The following HLA-DMA variants were observed in gnomAD, a reference collection of about 807,000 sequenced individuals.
HLA-DMA encodes major histocompatibility complex, class II, DM alpha.
In HLA-DMA, 20 loss-of-function variants were observed where a neutral mutation model predicts 27.3. That is an observed-to-expected ratio of 0.73 (90% confidence interval 0.52 to 1.07). The LOEUF (loss-of-function observed/expected upper bound fraction) is 1.07, where lower values mean the gene tolerates loss of function less well. Among genes scored for constraint, HLA-DMA ranks in the 50% least tolerant of loss-of-function variants. The probability of loss-of-function intolerance (pLI) is 0.00; values close to 1 mark genes in which losing one functional copy is unlikely to be tolerated. For missense variants in HLA-DMA, 241 were observed against 321.7 expected (o/e 0.75, Z 1.92); for synonymous variants, 111 against 126.8 (o/e 0.88, Z 0.83).
At position 32,949,004 on chromosome 6, in the gene HLA-DMA, C is replaced by T. The variant is rs1776771637; in HGVS notation, c.782-136G>A. ...CTGCAGAAGTTGATCTCTCCTTGTT[C>T]CCAAATCATCTCCAAGCACCCTTCC... On this transcript the variant is annotated intron_variant, in intron 4 of 4. Coordinates refer to ENST00000374843, the MANE Select transcript of HLA-DMA (RefSeq NM_006120.4). The surrounding 1 kb of genome is among the most constrained non-coding windows in gnomAD (Gnocchi z 5.8). The T allele has an allele frequency of 9.4e-7, 1 of 1,059,008 alleles. No individual in the cohort carries two copies. The highest frequency in any genetic ancestry group is 1.4e-6 in the Non-Finnish European group (1 of 731,388). The allele number at this position is 1,059,008 out of a possible 1,614,324, so 65.6% of individuals were successfully genotyped here.
Position 32,953,082 on chromosome 6 carries a change from C to T in HLA-DMA, c.-46G>A. ...GTAGGAGCTACCAACCCAGCCAACC[C>T]AGCTTCCCCAACTCCCTCCCCGAGA... On this transcript the variant is annotated 5_prime_UTR_variant, in exon 1 of 5. Coordinates refer to ENST00000374843, the MANE Select transcript of HLA-DMA (RefSeq NM_006120.4). The T allele has an allele frequency of 6.9e-7, 1 of 1,459,182 alleles. No individual in the cohort carries two copies. The highest frequency in any genetic ancestry group is 1.2e-5 in the South Asian group (1 of 86,930). The allele number at this position is 1,459,182 out of a possible 1,614,324, so 90.4% of individuals were successfully genotyped here. A position where few individuals can be genotyped will look rare whatever the true frequency, so the allele number is the denominator to read the frequency against.
In HLA-DMA at chr6:32,948,795, T is replaced by G; in HGVS notation, c.*69A>C. On this transcript the variant is annotated 3_prime_UTR_variant, in exon 5 of 5. Transcript: ENST00000374843. ...CCCTAAGAGGAGATCCTGGGCAGGA[T>G]GTGAGAAATCTGAGCATCCTCTGTT... 6.3e-7 allele frequency: 1 copy of G among 1,575,914 alleles called. No individual in the cohort carries two copies. Among genetic ancestry groups the G allele is most frequent in the Non-Finnish European group, 8.7e-7 (1 of 1,145,272 alleles).
chr6:32,952,873 A>T, intron 1 of HLA-DMA, 76 bp downstream of exon 1: 4 of 1,109,304 alleles, frequency 3.6e-6, no homozygotes, highest in Non-Finnish European at 5.4e-6. Flanking sequence ...CCACTCACAA[A>T]GCACAGCGCT....
chr6:32,951,428 A>C (rs1208677881), intron 1 of HLA-DMA, among the ~76,000 whole-genome samples: 1 of 150,538 alleles, frequency 6.6e-6, no homozygotes, highest in Admixed American at 6.6e-5. Flanking sequence ...CCAGGAGTTC[A>C]AGACCAACCT....
chr6:32,950,697 C>G lies in HLA-DMA; in HGVS notation c.195G>C (p.Glu65Asp), dbSNP rs550012121. The change falls in exon 2 of 5, where the codon GAG (glutamate) becomes GAC (aspartate). Residue 65 changes from glutamate (E) to aspartate (D), a missense_variant. By Grantham distance (45) the Glu-to-Asp change is conservative (BLOSUM62 2). Coordinates refer to ENST00000374843, the MANE Select transcript of HLA-DMA (RefSeq NM_006120.4). This position sits in a 1 kb window ranked among gnomAD's most constrained non-coding sequence, Gnocchi z 5.0. The part of the protein sequence containing the change: ...PSVGLSEAYD[E>D]DQLFFFDFSQ... Reference sequence around the variant, plus strand: ...AAAAGTCGAAGAAGAAAAGCTGGTCCTCGTCGTAGGCCTCAGAGAGTCCCA... The same window carrying G: ...AAAAGTCGAAGAAGAAAAGCTGGTCGTCGTCGTAGGCCTCAGAGAGTCCCA... 5.2e-5 allele frequency: 84 copies of G among 1,613,060 alleles called. 1 individual carries two copies. In the South Asian group the frequency reaches 7.9e-4, roughly 15 times the overall value.
At chr6:32,952,754 T>C (rs536681819) in intron 1 of HLA-DMA, among the ~76,000 whole-genome samples, 195 bp downstream of exon 1, 3 of 152,306 alleles carry the variant, frequency 2.0e-5, no homozygotes, top group East Asian at 1.9e-4. Context: ...CTTCAAGAGA[T>C]TGTCTTAAAT....
chr6:32,949,774 A>C lies in HLA-DMA; in HGVS notation c.489T>G (p.His163Gln). 4 of 1,613,116 alleles carry C rather than the reference A, an allele frequency of 2.5e-6. No individual in the cohort carries two copies. Among genetic ancestry groups the C allele is most frequent in the Non-Finnish European group, 3.4e-6 (4 of 1,180,040 alleles). The change falls in exon 3 of 5, where the codon CAT becomes CAG. Residue 163 changes from histidine (H) to glutamine (Q), a missense_variant. Coordinates refer to ENST00000374843, the MANE Select transcript of HLA-DMA (RefSeq NM_006120.4). This position sits in a 1 kb window ranked among gnomAD's most constrained non-coding sequence, Gnocchi z 5.8. ...CAAATCCTTCCACAGGGACGGAATG[A>C]TGCTGCCAGTTCACTGTCAGCATGG... ...FPPMLTVNWQ[H>Q]HSVPVEGFGP...
chr6:32,952,533 C>T (rs1287418003), intron 1 of HLA-DMA: 2 of 427,774 alleles, frequency 4.7e-6, no homozygotes, highest in Non-Finnish European at 4.8e-6. Context: ...TCCATTCTGC[C>T]CCATCCTCTA....
Position 32,950,883 on chromosome 6 carries a change from G to C in HLA-DMA, c.89-80C>G, listed in dbSNP as rs113046654. ...AAAAAACAGCAAGGTGGGGCTAGGC[G>C]CAGTGGCTCATGCCTGTAATCCCAG... On this transcript the variant is annotated intron_variant, in intron 1 of 4. Coordinates refer to ENST00000374843, the MANE Select transcript of HLA-DMA (RefSeq NM_006120.4). This position sits in a 1 kb window ranked among gnomAD's most constrained non-coding sequence, Gnocchi z 5.0. 9.8e-4 allele frequency: 1,411 copies of C among 1,434,250 alleles called. 11 individuals are homozygous for C. The African/African-American group carries it at 0.018, about 18-fold the overall frequency. 88.8% of individuals were successfully genotyped at this position (1,434,250 alleles called of 1,614,324 possible).
rs372893856 is a variant in HLA-DMA at position 32,950,530 on chromosome 6, G to A, written c.362C>T (p.Pro121Leu). The change falls in exon 2 of 5, where the codon CCG (proline) becomes CTG (leucine). Residue 121 changes from proline (P) to leucine (L), a missense_variant. Physicochemically the swap from Pro to Leu is moderately conservative, Grantham distance 98. Coordinates refer to ENST00000374843, the MANE Select transcript of HLA-DMA (RefSeq NM_006120.4). The surrounding 1 kb of genome is among the most constrained non-coding windows in gnomAD (Gnocchi z 5.0). ...QIGPKLDGKI[P>L]VSRGFPIAEV... The stretch of plus-strand genomic sequence containing the variant: ...AGAAAACTCCTGACCTCTGGACACC[G>A]GGATTTTCCCATCAAGTTTTGGCCC... 1.3e-5 allele frequency: 21 copies of A among 1,612,930 alleles called. No individual in the cohort carries two copies. Among genetic ancestry groups the A allele is most frequent in the South Asian group, 4.4e-5 (4 of 91,088 alleles).
rs748848203 is a variant in HLA-DMA, at chr6:32,950,501, C to T, written c.373+18G>A. ...TTAATGCAGCCCTCCTCCCTTCACT[C>T]CCCAGAAAACTCCTGACCTCTGGAC... On this transcript the variant is annotated intron_variant, in intron 2 of 4. Coordinates refer to ENST00000374843, the MANE Select transcript of HLA-DMA (RefSeq NM_006120.4). The surrounding 1 kb of genome is among the most constrained non-coding windows in gnomAD (Gnocchi z 5.0). 6.2e-7 allele frequency: 1 copy of T among 1,612,626 alleles called. No homozygotes were observed. Among genetic ancestry groups the T allele is most frequent in the East Asian group, 2.2e-5 (1 of 44,884 alleles).
intron 1 of HLA-DMA, among the ~76,000 whole-genome samples, chr6:32,951,301 C>T (rs367797543): frequency 6.6e-6 from 1 of 152,066 alleles, no homozygotes; most frequent in East Asian, 1.9e-4. Context: ...TATAAAAAGG[C>T]CAGTTGGCAA....
At chr6:32,952,797 C>G (rs1303355369) in intron 1 of HLA-DMA, 152 bp downstream of exon 1, 7 of 669,536 alleles carry the variant, frequency 1.0e-5, no homozygotes, top group Non-Finnish European at 1.9e-5. Flanking sequence ...TATCGTTTAC[C>G]AACCACACAT....
chr6:32,952,107 T>C (rs981505804), intron 1 of HLA-DMA, among the ~76,000 whole-genome samples: 3 of 152,048 alleles, frequency 2.0e-5, no homozygotes, highest in Admixed American at 2.0e-4. Flanking sequence ...TAGGGCTGTA[T>C]CCTCCCAAAG....
At chr6:32,948,946 C>T in intron 4 of HLA-DMA, 78 bp from the exon 5 acceptor site, 1 of 1,547,750 alleles carries the variant, frequency 6.5e-7, no homozygotes, top group Non-Finnish European at 8.8e-7. Context: ...TCCTCCCCCA[C>T]AAAGGCCTTG....
chr6:32,948,878 A>C lies in HLA-DMA; in HGVS notation c.782-10T>G. 6.2e-7 allele frequency: 1 copy of C among 1,613,502 alleles called. No homozygotes were observed. Among genetic ancestry groups the C allele is most frequent in the Non-Finnish European group, 8.5e-7 (1 of 1,179,776 alleles). On this transcript the variant is annotated splice_polypyrimidine_tract_variant and intron_variant, in intron 4 of 4. Transcript: ENST00000374843. ...GTCTGGAAGAATCAGTCTGGGGGAGAGACAGGGATGGAGGAAAGGCATCAG... is the reference window on the plus strand; with the variant it reads ...GTCTGGAAGAATCAGTCTGGGGGAGCGACAGGGATGGAGGAAAGGCATCAG...
rs1409111346 is a variant in HLA-DMA, at chr6:32,949,166, G to A, written c.781+105C>T. ...AGGCCCCCACACCCAAGGGCCTGAG[G>A]ATCGCTATATGTCCCCCCATGCCAC... On this transcript the variant is annotated intron_variant, in intron 4 of 4. Transcript: ENST00000374843. This position sits in a 1 kb window ranked among gnomAD's most constrained non-coding sequence, Gnocchi z 5.8. 6.7e-7 allele frequency: 1 copy of A among 1,491,810 alleles called. No homozygotes were observed. Among genetic ancestry groups the A allele is most frequent in the African/African-American group, 1.4e-5 (1 of 72,514 alleles). 92.4% of individuals were successfully genotyped at this position (1,491,810 alleles called of 1,614,324 possible).
rs940360961 is a variant in HLA-DMA, at chr6:32,948,839, G to A, written c.*25C>T. On this transcript the variant is annotated 3_prime_UTR_variant, in exon 5 of 5. Coordinates refer to ENST00000374843, the MANE Select transcript of HLA-DMA (RefSeq NM_006120.4). The stretch of plus-strand genomic sequence containing the variant: ...CTCTGTTTGGATGGCCGAAGCTGCT[G>A]GCATCAAACTCTGGTCTGGAAGAAT... 6 of 1,613,720 alleles carry A rather than the reference G, an allele frequency of 3.7e-6. No individual in the cohort carries two copies. The African/African-American group carries it at 8.0e-5, about 22-fold the overall frequency.
At position 32,950,347 on chromosome 6, in the gene HLA-DMA, G is replaced by T. The variant is rs17617515; in HGVS notation, c.373+172C>A. ...ATGCCTACTACATGCTAGGTACTTCGGCCCACCAAAAGAACACAGGGTGCA... is the reference window on the plus strand; with the variant it reads ...ATGCCTACTACATGCTAGGTACTTCTGCCCACCAAAAGAACACAGGGTGCA... On this transcript the variant is annotated intron_variant, in intron 2 of 4. Transcript: ENST00000374843. The surrounding 1 kb of genome is among the most constrained non-coding windows in gnomAD (Gnocchi z 5.0). 0.028 allele frequency: 21,469 copies of T among 772,338 alleles called. 375 individuals are homozygous for T. Among genetic ancestry groups the T allele is most frequent in the South Asian group, 0.043 (2,528 of 58,558 alleles). 47.8% of individuals were successfully genotyped at this position (772,338 alleles called of 1,614,324 possible). A position where few individuals can be genotyped will look rare whatever the true frequency, so the allele number is the denominator to read the frequency against.
Sources: allele counts gnomAD v4.1 joint callset (sites outside exome capture counted in the v4.1 genomes callset), GRCh38; gene constraint gnomAD v4.1.1; non-coding constraint Gnocchi (gnomAD v3.1); transcripts MANE v1.5; gene names NCBI Gene and HGNC (gene_info 2026-07-23, HGNC 2026-07-21).